Variants in SOX4 observed in about 807,000 individuals in gnomAD.
SOX4 encodes SRY-box transcription factor 4.
For missense variants in SOX4, 662 were observed against 694.9 expected (o/e 0.95, Z 0.53); for synonymous variants, 465 against 348.4 (o/e 1.33, Z -3.73).
Position 21,595,278 on chromosome 6 carries a change from G to T in SOX4, c.744G>T (p.Leu248=). The T allele has an allele frequency of 2.1e-6, 3 of 1,397,208 alleles. No homozygotes were observed. In the South Asian group the frequency reaches 4.5e-5, roughly 21 times the overall value. 86.6% of individuals were successfully genotyped at this position (1,397,208 alleles called of 1,614,324 possible). A position where few individuals can be genotyped will look rare whatever the true frequency, so the allele number is the denominator to read the frequency against. Reference sequence around the variant, plus strand: ...AACAGGCGGGGGCCGCCGCCCTGCTGCCCCTGGGCGCCGCCGCCGACCACC... The same window carrying T: ...AACAGGCGGGGGCCGCCGCCCTGCTTCCCCTGGGCGCCGCCGCCGACCACC... ...AAEQAGAAAL[L]PLGAAADHHS... Residue 248 remains leucine, a synonymous_variant, in exon 1 of 1, where the codon CTG becomes CTT. Transcript: ENST00000244745.
Position 21,595,377 on chromosome 6 carries a change from C to T in SOX4, c.843C>T (p.Leu281=), listed in dbSNP as rs756325642. ...CGGCAGCCTCGGCCTCCGCAGCGCT[C>T]GCGGCCCCGGGCAAGCACCTGGCGG... ...ASSAASASAA[L]AAPGKHLAEK... Residue 281 remains leucine (L), a synonymous_variant, in exon 1 of 1, where the codon CTC becomes CTT. Coordinates refer to ENST00000244745, the MANE Select transcript of SOX4 (RefSeq NM_003107.3). 7.2e-6 allele frequency: 11 copies of T among 1,536,130 alleles called. No individual in the cohort carries two copies. The East Asian group carries it at 8.0e-5, about 11-fold the overall frequency.
At position 21,597,503 on chromosome 6, in the gene SOX4, CTTTTTTTCTT is replaced by C. The variant is rs1763194025; in HGVS notation, c.*1552_*1561del. ...TTTATTTCTTTATTCCTTCCTTTTC[CTTTTTTTCTT>C]TTTTTTTTCTTTTTTTTTTTTTTTT... On this transcript the variant is annotated 3_prime_UTR_variant, in exon 1 of 1. Coordinates refer to ENST00000244745, the MANE Select transcript of SOX4 (RefSeq NM_003107.3). 7.5e-6 allele frequency: 1 copy of C among 133,162 alleles called. No homozygotes were observed. Among genetic ancestry groups the C allele is most frequent in the South Asian group, 2.7e-4 (1 of 3,652 alleles). The allele number at this position is 133,162 out of a possible 1,614,324, so 8.2% of individuals were successfully genotyped here.
rs370939891 is a variant in SOX4 at position 21,595,721 on chromosome 6, C to T, written c.1187C>T (p.Ser396Phe). 20 of 1,610,254 alleles carry T rather than the reference C, an allele frequency of 1.2e-5. No homozygotes were observed. The highest frequency in any genetic ancestry group is 1.2e-4 in the African/African-American group (9 of 74,908). ...TCTTCCTCCTCCTCGGGCTCCTCGT[C>T]CTCCGACGACGAGTTCGAAGACGAC... is the stretch of plus-strand genomic sequence containing the variant. ...SSSSSSSGSS[S>F]SDDEFEDDLL... The change falls in exon 1 of 1, where the codon TCC becomes TTC. Residue 396 changes from serine to phenylalanine, a missense_variant. Ser to Phe is a radical substitution (Grantham distance 155, BLOSUM62 -2). Coordinates refer to ENST00000244745, the MANE Select transcript of SOX4 (RefSeq NM_003107.3).
rs1212940800 is a variant in SOX4, at chr6:21,594,433, C to T, written c.-102C>T. On this transcript the variant is annotated 5_prime_UTR_variant, in exon 1 of 1. Transcript: ENST00000244745. ...AGTTCGGCCGCCGCGCGCGTCTTCC[C>T]GTTCGGCGTGTGCTTGGCCCGGGGA... is the stretch of plus-strand genomic sequence containing the variant. 8.4e-6 allele frequency: 11 copies of T among 1,313,274 alleles called. No homozygotes were observed. The highest frequency in any genetic ancestry group is 9.6e-6 in the Non-Finnish European group (10 of 1,038,760). The allele number at this position is 1,313,274 out of a possible 1,614,324, so 81.4% of individuals were successfully genotyped here. A position where few individuals can be genotyped will look rare whatever the true frequency, so the allele number is the denominator to read the frequency against.
chr6:21,597,571 G>A lies in SOX4; in HGVS notation c.*1612G>A, dbSNP rs559859461. On this transcript the variant is annotated 3_prime_UTR_variant, in exon 1 of 1. Coordinates refer to ENST00000244745, the MANE Select transcript of SOX4 (RefSeq NM_003107.3). ...GTTGTTGTTACCCACGCCATTTTAC[G>A]TCTCCTTCACTGAAGGGCTAGAGTT... 1.3e-4 allele frequency: 11 copies of A among 85,774 alleles called. No homozygotes were observed. Among genetic ancestry groups the A allele is most frequent in the Non-Finnish European group, 2.5e-4 (10 of 39,414 alleles). 5.3% of individuals were successfully genotyped at this position (85,774 alleles called of 1,614,324 possible).
rs974788511 is a variant in SOX4 at position 21,595,243 on chromosome 6, T to C, written c.709T>C (p.Phe237Leu). The change falls in exon 1 of 1, where the codon TTC (phenylalanine) becomes CTC (leucine). Residue 237 changes from phenylalanine to leucine, a missense_variant. Coordinates refer to ENST00000244745, the MANE Select transcript of SOX4 (RefSeq NM_003107.3). ...GKAAAAAAAS[F>L]AAEQAGAAAL... ...AGCAGCGGCTGCCGCCGCCGCCTCC[T>C]TCGCCGCCGAACAGGCGGGGGCCGC... 6.7e-5 allele frequency: 83 copies of C among 1,246,988 alleles called. 1 individual carries two copies. Among genetic ancestry groups the C allele is most frequent in the Non-Finnish European group, 7.8e-5 (78 of 1,000,782 alleles). 77.2% of individuals were successfully genotyped at this position (1,246,988 alleles called of 1,614,324 possible). A position where few individuals can be genotyped will look rare whatever the true frequency, so the allele number is the denominator to read the frequency against.
rs907650701 is a variant in SOX4 at position 21,595,520 on chromosome 6, G to A, written c.986G>A (p.Gly329Asp). 8.8e-6 allele frequency: 11 copies of A among 1,250,304 alleles called. No homozygotes were observed. The highest frequency in any genetic ancestry group is 7.8e-5 in the African/African-American group (5 of 64,364). The allele number at this position is 1,250,304 out of a possible 1,614,324, so 77.5% of individuals were successfully genotyped here. A position where few individuals can be genotyped will look rare whatever the true frequency, so the allele number is the denominator to read the frequency against. The change falls in exon 1 of 1, where the codon GGC becomes GAC. Residue 329 changes from glycine to aspartate, a missense_variant. Coordinates refer to ENST00000244745, the MANE Select transcript of SOX4 (RefSeq NM_003107.3). ...CCCCTGGGCCTGTACGAGGAGGAGG[G>A]CGCGGGCTGCTCGCCCGACGCGCCC... ...SDPLGLYEEE[G>D]AGCSPDAPSL...
chr6:21,595,610 GCGGCTA>G lies in SOX4; in HGVS notation c.1079_1084del (p.Gly360_Tyr361del). On this transcript the variant is annotated inframe_deletion, in exon 1 of 1. Coordinates refer to ENST00000244745, the MANE Select transcript of SOX4 (RefSeq NM_003107.3). ...GCCGGCCGCTCGCCCGCCGACCACC[GCGGCTA>G]CGCCAGCCTGCGCGCCGCCTCGCCC... The G allele has an allele frequency of 1.6e-6, 2 of 1,248,220 alleles. No individual in the cohort carries two copies. The highest frequency in any genetic ancestry group is 2.0e-6 in the Non-Finnish European group (2 of 998,274). The allele number at this position is 1,248,220 out of a possible 1,614,324, so 77.3% of individuals were successfully genotyped here. A position where few individuals can be genotyped will look rare whatever the true frequency, so the allele number is the denominator to read the frequency against.
rs1171282012 is a variant in SOX4, at chr6:21,596,973, GAA to G, written c.*1020_*1021del. On this transcript the variant is annotated 3_prime_UTR_variant, in exon 1 of 1. Coordinates refer to ENST00000244745, the MANE Select transcript of SOX4 (RefSeq NM_003107.3). ...GCGAGTGGTTTCGGAAAAAAAAAAA[GAA>G]AAAAAGAAAAAAAAAGAAAAAAAAA... is the stretch of plus-strand genomic sequence containing the variant. The G allele has an allele frequency of 1.3e-5, 2 of 154,170 alleles. No homozygotes were observed. Among genetic ancestry groups the G allele is most frequent in the African/African-American group, 5.3e-5 (2 of 37,712 alleles). The allele number at this position is 154,170 out of a possible 1,614,324, so 9.6% of individuals were successfully genotyped here. A position where few individuals can be genotyped will look rare whatever the true frequency, so the allele number is the denominator to read the frequency against.
At position 21,598,168 on chromosome 6, in the gene SOX4, T is replaced by G. The variant is rs969010916; in HGVS notation, c.*2209T>G. The G allele has an allele frequency of 1.8e-5, 3 of 166,914 alleles. No individual in the cohort carries two copies. Among genetic ancestry groups the G allele is most frequent in the Admixed American group, 1.3e-4 (2 of 15,288 alleles). The allele number at this position is 166,914 out of a possible 1,614,324, so 10.3% of individuals were successfully genotyped here. A position where few individuals can be genotyped will look rare whatever the true frequency, so the allele number is the denominator to read the frequency against. ...GTTTTTCATTCTTGTATTTGACTAT[T>G]TAATCCTTTCTACTTGTCGCTAAAT... On this transcript the variant is annotated 3_prime_UTR_variant, in exon 1 of 1. Coordinates refer to ENST00000244745, the MANE Select transcript of SOX4 (RefSeq NM_003107.3).
Position 21,595,541 on chromosome 6 carries a change from C to G in SOX4, c.1007C>G (p.Ala336Gly), listed in dbSNP as rs1374365321. 7.4e-6 allele frequency: 9 copies of G among 1,216,488 alleles called. No individual in the cohort carries two copies. Among genetic ancestry groups the G allele is most frequent in the Non-Finnish European group, 9.2e-6 (9 of 978,108 alleles). 75.4% of individuals were successfully genotyped at this position (1,216,488 alleles called of 1,614,324 possible). A position where few individuals can be genotyped will look rare whatever the true frequency, so the allele number is the denominator to read the frequency against. Residue 336 changes from alanine to glycine, a missense_variant, in exon 1 of 1, where the codon GCG becomes GGG. Coordinates refer to ENST00000244745, the MANE Select transcript of SOX4 (RefSeq NM_003107.3). The stretch of plus-strand genomic sequence containing the variant: ...GAGGGCGCGGGCTGCTCGCCCGACG[C>G]GCCCAGCCTGAGCGGCCGCAGCAGC... ...EEEGAGCSPDAPSLSGRSSAA... is the reference protein window; with the variant it reads ...EEEGAGCSPDGPSLSGRSSAA...
Position 21,597,461 on chromosome 6 carries a change from CCTTT to C in SOX4, c.*1507_*1510del, listed in dbSNP as rs916253138. ...TTTTCTTTTGTCCCTTTTTTTCTTTCCTTTCTTTTTACTTCCTTTATTTCTTTAT... is the reference window on the plus strand; with the variant it reads ...TTTTCTTTTGTCCCTTTTTTTCTTTCCTTTTTACTTCCTTTATTTCTTTAT... On this transcript the variant is annotated 3_prime_UTR_variant, in exon 1 of 1. Coordinates refer to ENST00000244745, the MANE Select transcript of SOX4 (RefSeq NM_003107.3). The C allele has an allele frequency of 6.2e-6, 1 of 160,462 alleles. No homozygotes were observed. The highest frequency in any genetic ancestry group is 1.5e-5 in the Non-Finnish European group (1 of 66,996). The allele number at this position is 160,462 out of a possible 1,614,324, so 9.9% of individuals were successfully genotyped here.
rs1189499806 is a variant in SOX4 at position 21,594,842 on chromosome 6, G to A, written c.308G>A (p.Ser103Asn). 6.2e-7 allele frequency: 1 copy of A among 1,611,600 alleles called. No individual in the cohort carries two copies. The highest frequency in any genetic ancestry group is 8.5e-7 in the Non-Finnish European group (1 of 1,179,044). Residue 103 changes from serine (S) to asparagine (N), a missense_variant, in exon 1 of 1, where the codon AGC (serine) becomes AAC (asparagine). Physicochemically the swap from Ser to Asn is conservative, Grantham distance 46 (BLOSUM62 1). Coordinates refer to ENST00000244745, the MANE Select transcript of SOX4 (RefSeq NM_003107.3). Reference sequence around the variant, plus strand: ...AAACGCTGGAAGCTGCTCAAAGACAGCGACAAGATCCCTTTCATTCGAGAG... The same window carrying A: ...AAACGCTGGAAGCTGCTCAAAGACAACGACAAGATCCCTTTCATTCGAGAG... ...LGKRWKLLKD[S>N]DKIPFIREAE...
At position 21,598,395 on chromosome 6, in the gene SOX4, G is replaced by GT. The variant is rs759035843; in HGVS notation, c.*2441dup. On this transcript the variant is annotated 3_prime_UTR_variant, in exon 1 of 1. Coordinates refer to ENST00000244745, the MANE Select transcript of SOX4 (RefSeq NM_003107.3). ...CCTTTTTAAGGCAGTTCCGTTAAGG[G>GT]TTTTTGTTTTTAAACTTTTTTTTGC... is the stretch of plus-strand genomic sequence containing the variant. 1.8e-5 allele frequency: 3 copies of GT among 166,986 alleles called. No individual in the cohort carries two copies. The highest frequency in any genetic ancestry group is 4.4e-5 in the Non-Finnish European group (3 of 68,108). 10.3% of individuals were successfully genotyped at this position (166,986 alleles called of 1,614,324 possible).
At position 21,596,973 on chromosome 6, in the gene SOX4, GAAAAAAAGAA is replaced by G. The variant is rs1245588810; in HGVS notation, c.*1032_*1041del. ...GCGAGTGGTTTCGGAAAAAAAAAAA[GAAAAAAAGAA>G]AAAAAAAGAAAAAAAAAAGATTTTT... On this transcript the variant is annotated 3_prime_UTR_variant, in exon 1 of 1. Transcript: ENST00000244745. 1,274 of 154,350 alleles carry G rather than the reference GAAAAAAAGAA, an allele frequency of 8.3e-3. 6 individuals are homozygous for G. Among genetic ancestry groups the G allele is most frequent in the Middle Eastern group, 0.015 (4 of 270 alleles). The allele number at this position is 154,350 out of a possible 1,614,324, so 9.6% of individuals were successfully genotyped here.
In SOX4 at chr6:21,596,914, CTG is replaced by C. The variant is rs1487067167; in HGVS notation, c.*957_*958del. Reference sequence around the variant, plus strand: ...CCCCGGAGGCGTGGAGGAGAGGAGACTGTTTGATGTGGTACAGGGGCAGTCAG... The same window carrying C: ...CCCCGGAGGCGTGGAGGAGAGGAGACTTTGATGTGGTACAGGGGCAGTCAG... On this transcript the variant is annotated 3_prime_UTR_variant, in exon 1 of 1. Transcript: ENST00000244745. 5 of 158,402 alleles carry C rather than the reference CTG, an allele frequency of 3.2e-5. No individual in the cohort carries two copies. Among genetic ancestry groups the C allele is most frequent in the African/African-American group, 5.2e-5 (2 of 38,298 alleles). 9.8% of individuals were successfully genotyped at this position (158,402 alleles called of 1,614,324 possible).
chr6:21,595,001 A>T lies in SOX4; in HGVS notation c.467A>T (p.Asp156Val). The T allele has an allele frequency of 6.4e-7, 1 of 1,558,972 alleles. No individual in the cohort carries two copies. The highest frequency in any genetic ancestry group is 8.7e-7 in the Non-Finnish European group (1 of 1,153,412). ...AASSKPGEKG[D>V]KVGGSGGGGH... ...TCCTCCAAGCCGGGGGAGAAGGGAG[A>T]CAAGGTCGGTGGCAGTGGCGGGGGC... The change falls in exon 1 of 1, where the codon GAC (aspartate) becomes GTC (valine). Residue 156 changes from aspartate to valine, a missense_variant. By Grantham distance (152) the Asp-to-Val change is radical. Transcript: ENST00000244745.
In SOX4 at chr6:21,595,023, GGGCGGCCATGGGGGCGGCGGC is replaced by G. The variant is rs1477242807; in HGVS notation, c.496_516del (p.His166_Gly172del). ...GAGACAAGGTCGGTGGCAGTGGCGG[GGGCGGCCATGGGGGCGGCGGC>G]GGCGGCGGGAGCAGCAACGCGGGGG... On this transcript the variant is annotated inframe_deletion, in exon 1 of 1. Coordinates refer to ENST00000244745, the MANE Select transcript of SOX4 (RefSeq NM_003107.3). 1.4e-5 allele frequency: 21 copies of G among 1,472,722 alleles called. No individual in the cohort carries two copies. The African/African-American group carries it at 2.5e-4, about 17-fold the overall frequency. The allele number at this position is 1,472,722 out of a possible 1,614,324, so 91.2% of individuals were successfully genotyped here.
In SOX4 at chr6:21,595,310, T is replaced by C; in HGVS notation, c.776T>C (p.Leu259Pro). Residue 259 changes from leucine to proline, a missense_variant, in exon 1 of 1, where the codon CTG (leucine) becomes CCG (proline). Transcript: ENST00000244745. ...PLGAAADHHS[L>P]YKARTPSASA... ...GGCGCCGCCGCCGACCACCACTCGC[T>C]GTACAAGGCGCGGACTCCCAGCGCC... The C allele has an allele frequency of 6.8e-7, 1 of 1,461,866 alleles. No individual in the cohort carries two copies. The highest frequency in any genetic ancestry group is 9.0e-7 in the Non-Finnish European group (1 of 1,111,314). The allele number at this position is 1,461,866 out of a possible 1,614,324, so 90.6% of individuals were successfully genotyped here. A position where few individuals can be genotyped will look rare whatever the true frequency, so the allele number is the denominator to read the frequency against.
Sources: allele counts gnomAD v4.1 joint callset, GRCh38; gene constraint gnomAD v4.1.1; transcripts MANE v1.5; gene names NCBI Gene and HGNC (gene_info 2026-07-23, HGNC 2026-07-21).